The following ATP6V0A4 variants were observed in gnomAD, a reference collection of about 807,000 sequenced individuals.
ATP6V0A4 encodes V-type proton ATPase 116 kDa subunit a 4.
A neutral mutation model predicts 107.3 loss-of-function variants in ATP6V0A4; 86 were observed. The ratio of observed to expected loss-of-function variants is 0.80; its 90% CI spans 0.67 to 0.96. The LOEUF (loss-of-function observed/expected upper bound fraction) is 0.96, where lower values mean the gene tolerates loss of function less well. ATP6V0A4 is among the 40% of genes least tolerant of loss of function. The pLI is 0.00. For missense variants in ATP6V0A4, 908 were observed against 1,045.6 expected, an observed-to-expected ratio of 0.87 and a Z score of 1.81; for synonymous variants, 353 against 381.4, an observed-to-expected ratio of 0.93 and a Z score of 0.87.
chr7:138,755,966 C>T (rs1806492950), intron 9 of ATP6V0A4, 184 bp from the exon 10 acceptor site: 4 of 1,069,242 alleles, frequency 3.7e-6, no homozygotes, highest in Non-Finnish European at 5.4e-6. Flanking sequence ...GTCACTTGTG[C>T]TGTGAATTGA....
chr7:138,740,679 T>A (rs1394017761), intron 14 of ATP6V0A4, among the ~76,000 whole-genome samples: 1 of 151,534 alleles, frequency 6.6e-6, no homozygotes, highest in Non-Finnish European at 1.5e-5. Context: ...TGACCTCAAG[T>A]GATCCGCCTG....
intron 21 of ATP6V0A4, 136 bp from the exon 22 acceptor site, chr7:138,706,853 G>T: frequency 7.1e-7 from 1 of 1,417,266 alleles, no homozygotes; most frequent in Non-Finnish European, 9.5e-7. Flanking sequence ...GCCACGGCAG[G>T]CACCCAGGCT....
At chr7:138,717,607 T>C (rs769269971) in intron 19 of ATP6V0A4, among the ~76,000 whole-genome samples, 106 of 150,884 alleles carry the variant, frequency 7.0e-4, no homozygotes, top group Non-Finnish European at 1.3e-3. Context: ...AACATCTTCA[T>C]TCAGAGATAA....
chr7:138,711,148 C>A (rs933430712), intron 20 of ATP6V0A4, among the ~76,000 whole-genome samples: 2 of 151,902 alleles, frequency 1.3e-5, no homozygotes, highest in East Asian at 3.9e-4. Flanking sequence ...AAGGTCTTTT[C>A]TACACATTTC....
intron 19 of ATP6V0A4, among the ~76,000 whole-genome samples, chr7:138,717,306 G>C (rs546448161): frequency 6.6e-6 from 1 of 152,310 alleles, no homozygotes; most frequent in African/African-American, 2.4e-5. Context: ...CCAGCACCTC[G>C]GGAGACCAAG....
rs765541716 is a variant in ATP6V0A4, at chr7:138,749,252, T to C, written c.1095A>G (p.Thr365=). 1.3e-5 allele frequency: 21 copies of C among 1,613,124 alleles called. No homozygotes were observed. Among genetic ancestry groups the C allele is most frequent in the East Asian group, 2.2e-5 (1 of 44,872 alleles). Residue 365 remains threonine (T), a synonymous_variant, in exon 12 of 22, where the codon ACA becomes ACG. Coordinates refer to ENST00000310018, the MANE Select transcript of ATP6V0A4 (RefSeq NM_020632.3). ...CTGTGAATTTATTGGTCCTGTTAAA[T>C]GTGGGAGGGGCTGTTTTAGATTGCA... ...TTVQSKTAPP[T]FNRTNKFTAG...
intron 18 of ATP6V0A4, among the ~76,000 whole-genome samples, chr7:138,726,978 C>T (rs1381628493): frequency 1.3e-5 from 2 of 152,028 alleles, no homozygotes; most frequent in African/African-American, 4.8e-5. Context: ...ATTTTACAGT[C>T]CTGGAACTCA....
chr7:138,738,946 A>C (rs776236907), intron 15 of ATP6V0A4, among the ~76,000 whole-genome samples: 2 of 152,206 alleles, frequency 1.3e-5, no homozygotes, highest in Non-Finnish European at 2.9e-5. Context: ...ATAGAAATGA[A>C]CAGCTTTACA....
chr7:138,754,509 C>G (rs1350309730), intron 10 of ATP6V0A4, among the ~76,000 whole-genome samples: 1 of 151,872 alleles, frequency 6.6e-6, no homozygotes, highest in African/African-American at 2.4e-5. Context: ...GTCTGCTAGC[C>G]TAAGGGTTTT....
intron 20 of ATP6V0A4, among the ~76,000 whole-genome samples, chr7:138,713,141 TA>T (rs771014044): frequency 0.017 from 2,427 of 140,874 alleles, 60 homozygotes; most frequent in African/African-American, 0.052. Flanking sequence ...ATACAAAAAT[TA>T]AAAAAAAAAA....
At chr7:138,717,480 G>A (rs1804103969) in intron 19 of ATP6V0A4, among the ~76,000 whole-genome samples, 1 of 152,018 alleles carries the variant, frequency 6.6e-6, no homozygotes, top group Admixed American at 6.6e-5. Flanking sequence ...GTGAGGTGGA[G>A]GTTGCAGTGA....
rs894665573 is a variant in ATP6V0A4 at position 138,771,226 on chromosome 7, C to T, written c.22G>A (p.Glu8Lys). MVSVFRS[E>K]EMCLSQLFLQ... ...AACAGTTGTGACAAACACATCTCCT[C>T]GCTTCGAAACACAGACACCATCTTG... Residue 8 changes from glutamate (E) to lysine (K), a missense_variant, in exon 3 of 22, where the codon GAG becomes AAG. Physicochemically the swap from Glu to Lys is moderately conservative, Grantham distance 56 (BLOSUM62 1). Transcript: ENST00000310018. 14 of 1,613,690 alleles carry T rather than the reference C, an allele frequency of 8.7e-6. 1 individual carries two copies. The African/African-American group carries it at 1.2e-4, about 14-fold the overall frequency.
At chr7:138,788,999 G>T (rs889778648) in intron 1 of ATP6V0A4, among the ~76,000 whole-genome samples, 1 of 152,144 alleles carries the variant, frequency 6.6e-6, no homozygotes, top group African/African-American at 2.4e-5. Context: ...TTCTTCCAAG[G>T]TTAAAGATTG....
At chr7:138,744,174 A>T (rs1805783530) in intron 14 of ATP6V0A4, among the ~76,000 whole-genome samples, 1 of 151,230 alleles carries the variant, frequency 6.6e-6, no homozygotes. Flanking sequence ...CCTGCCCCCA[A>T]CTCTGTCAGC....
chr7:138,752,103 C>T (rs1436985753), intron 11 of ATP6V0A4, among the ~76,000 whole-genome samples: 1 of 152,166 alleles, frequency 6.6e-6, no homozygotes, highest in Non-Finnish European at 1.5e-5. Context: ...GGTGTGATGT[C>T]TCACACCTGT....
intron 14 of ATP6V0A4, among the ~76,000 whole-genome samples, 184 bp downstream of exon 14, chr7:138,744,939 G>A (rs753890277): frequency 6.6e-6 from 1 of 152,148 alleles, no homozygotes; most frequent in Non-Finnish European, 1.5e-5. Flanking sequence ...CTAACCTCAG[G>A]TGATCCACCT....
chr7:138,755,898 G>A, intron 9 of ATP6V0A4, 116 bp from the exon 10 acceptor site: 15 of 1,527,478 alleles, frequency 9.8e-6, no homozygotes, highest in Non-Finnish European at 1.3e-5. Flanking sequence ...GCCTATCCTA[G>A]AATAACTGCG....
At chr7:138,718,101 G>GTGGGAGTAGGGGTACAGTCA (rs1213723131) in intron 19 of ATP6V0A4, among the ~76,000 whole-genome samples, 1 of 117,494 alleles carries the variant, frequency 8.5e-6, no homozygotes, top group Non-Finnish European at 1.8e-5. Flanking sequence ...GGAATGGGGG[G>GTGGGAGTAGGGGTACAGTCA]CGGGGGTGCA....
At chr7:138,721,396 G>T in intron 19 of ATP6V0A4, among the ~76,000 whole-genome samples, 1 of 152,156 alleles carries the variant, frequency 6.6e-6, no homozygotes, top group Middle Eastern at 3.4e-3. Context: ...AAAATTAACC[G>T]GGTGCAGTGG....
Sources: gnomAD v4.1 joint callset for allele counts (sites outside exome capture counted in the v4.1 genomes callset) on GRCh38, gnomAD v4.1.1 for gene constraint, MANE v1.5 for transcripts, NCBI Gene and HGNC (gene_info 2026-07-23, HGNC 2026-07-21) for gene names.